The following DNAJC17 variants were observed in gnomAD, a reference collection of about 807,000 sequenced individuals.
DNAJC17 encodes the protein dnaJ homolog subfamily C member 17.
In DNAJC17, 35 loss-of-function variants were observed where a neutral mutation model predicts 48.1. The observed-to-expected ratio is 0.73, with a 90% CI of 0.56 to 0.96. The LOEUF is 0.96. DNAJC17 is among the 50% of genes least tolerant of loss of function. The pLI is 0.00. For missense variants in DNAJC17, 355 were observed against 377.1 expected, an observed-to-expected ratio of 0.94 and a Z score of 0.48; for synonymous variants, 117 against 142.7, an observed-to-expected ratio of 0.82 and a Z score of 1.28.
At chr15:40,773,023 C>T (rs1434950040) in intron 10 of DNAJC17, among the ~76,000 whole-genome samples, 4 of 150,474 alleles carry the variant, frequency 2.7e-5, no homozygotes, top group East Asian at 1.9e-4. Context: ...TGCAATGGCA[C>T]GATCTCGGCT....
intron 1 of DNAJC17, among the ~76,000 whole-genome samples, chr15:40,788,695 CA>C (rs34840348): frequency 0.84 from 98,075 of 116,856 alleles, 40,713 homozygotes; most frequent in East Asian, 0.97. Flanking sequence ...GACTCTGTCT[CA>C]AAAAAAAAAA....
At chr15:40,783,400 G>C (rs566127802) in intron 1 of DNAJC17, among the ~76,000 whole-genome samples, 73 of 152,252 alleles carry the variant, frequency 4.8e-4, no homozygotes, top group Middle Eastern at 3.4e-3. Context: ...CCTCTCTCTG[G>C]GATGGGTGAG....
chr15:40,784,088 G>A (rs372784315), intron 1 of DNAJC17, among the ~76,000 whole-genome samples: 1 of 152,092 alleles, frequency 6.6e-6, no homozygotes, highest in Non-Finnish European at 1.5e-5. Flanking sequence ...TTAGCTGGGC[G>A]TGGTGGCACA....
chr15:40,806,332 C>T (rs1288134075), intron 1 of DNAJC17, among the ~76,000 whole-genome samples: 1 of 151,076 alleles, frequency 6.6e-6, no homozygotes, highest in Non-Finnish European at 1.5e-5. Flanking sequence ...GATTCTCCTG[C>T]CTCAGCCTCC....
At chr15:40,789,923 A>G (rs901166680) in intron 1 of DNAJC17, among the ~76,000 whole-genome samples, 4 of 149,940 alleles carry the variant, frequency 2.7e-5, no homozygotes, top group Admixed American at 6.6e-5. Flanking sequence ...AAAAAAAAAA[A>G]AAAAAAAAGA....
intron 9 of DNAJC17, chr15:40,774,114 C>A: frequency 1.7e-6 from 1 of 601,510 alleles, no homozygotes; most frequent in Non-Finnish European, 2.9e-6. Flanking sequence ...TGTGAAGGCA[C>A]CAGCAGGGAG....
chr15:40,791,674 GTC>G (rs1427396553), intron 1 of DNAJC17, among the ~76,000 whole-genome samples: 1 of 151,770 alleles, frequency 6.6e-6, no homozygotes, highest in East Asian at 1.9e-4. Flanking sequence ...GTGAAATCCT[GTC>G]TCTACTAAAA....
intron 1 of DNAJC17, among the ~76,000 whole-genome samples, chr15:40,794,229 A>G (rs1025335045): frequency 6.6e-6 from 1 of 152,086 alleles, no homozygotes; most frequent in African/African-American, 2.4e-5. Flanking sequence ...GCATGCCTAT[A>G]ATCCTAGCTA....
chr15:40,781,204 C>CTGTAATCCTGGCA (rs1196266788), intron 1 of DNAJC17, among the ~76,000 whole-genome samples: 1 of 149,724 alleles, frequency 6.7e-6, no homozygotes, highest in African/African-American at 2.5e-5. Context: ...TGGTGTAATC[C>CTGTAATCCTGGCA]TGTAATCCTG....
At position 40,770,138 on chromosome 15, in the gene DNAJC17, C is replaced by A. The variant is rs999978703; in HGVS notation, c.793-2076G>T. ...GAGCGCTCGCCAGCCTCACCCAGCC[C>A]GAGAAGGTCCACCTCTGCCTCCGCC... On this transcript the variant is annotated intron_variant, in intron 10 of 10. Transcript: ENST00000220496. The surrounding 1 kb of genome is among the most constrained non-coding windows in gnomAD (Gnocchi z 5.0). 4 of 232,344 alleles carry A rather than the reference C, an allele frequency of 1.7e-5. No individual in the cohort carries two copies. The South Asian group carries it at 3.0e-4, about 17-fold the overall frequency. 14.4% of individuals were successfully genotyped at this position (232,344 alleles called of 1,614,324 possible). A position where few individuals can be genotyped will look rare whatever the true frequency, so the allele number is the denominator to read the frequency against.
At chr15:40,799,725 A>G (rs944628032) in intron 1 of DNAJC17, among the ~76,000 whole-genome samples, 4 of 152,126 alleles carry the variant, frequency 2.6e-5, no homozygotes, top group African/African-American at 7.2e-5. Flanking sequence ...GTTGGGTCAT[A>G]TGGTAATTCC....
chr15:40,787,101 T>A (rs75472499), intron 1 of DNAJC17, among the ~76,000 whole-genome samples: 1,943 of 152,296 alleles, frequency 0.013, 42 homozygotes, highest in African/African-American at 0.042. Flanking sequence ...TGCCAGCCCT[T>A]CCCTAGAAGT....
chr15:40,776,085 G>T (rs773583845), intron 6 of DNAJC17, 111 bp downstream of exon 6: 16 of 973,906 alleles, frequency 1.6e-5, no homozygotes, highest in Non-Finnish European at 2.5e-5. Context: ...TGACCCCAGG[G>T]TTCCAGCAGG....
Position 40,804,829 on chromosome 15 carries a change from C to T in DNAJC17, c.78+2540G>A, listed in dbSNP as rs563493997. The stretch of plus-strand genomic sequence containing the variant: ...CCAGCCTGACCAACATGGTGAAACC[C>T]TGTCTCTGATAAAAACACAAAAATT... On this transcript the variant is annotated intron_variant, in intron 1 of 10. Transcript: ENST00000220496. 2.1e-4 allele frequency among the ~76,000 whole-genome samples: 32 copies of T among 152,062 alleles called. 1 individual carries two copies. Among genetic ancestry groups the T allele is most frequent in the East Asian group, 1.8e-3 (9 of 5,142 alleles).
intron 1 of DNAJC17, among the ~76,000 whole-genome samples, chr15:40,787,459 A>G (rs1174296996): frequency 6.6e-6 from 1 of 152,144 alleles, no homozygotes; most frequent in Admixed American, 6.5e-5. Flanking sequence ...AGATCTGACC[A>G]CTATTTCACA....
chr15:40,770,876 C>A lies in DNAJC17; in HGVS notation c.793-2814G>T, dbSNP rs1234371510. 5.2e-6 allele frequency: 8 copies of A among 1,551,550 alleles called. No homozygotes were observed. Among genetic ancestry groups the A allele is most frequent in the South Asian group, 4.8e-5 (4 of 84,064 alleles). ...CCCTCCACCAGCACTCAGAGAAGGG[C>A]CTTGTGGACACTCCCTGCTTCCAGA... On this transcript the variant is annotated intron_variant, in intron 10 of 10. Transcript: ENST00000220496. The surrounding 1 kb of genome is among the most constrained non-coding windows in gnomAD (Gnocchi z 5.0).
At chr15:40,800,002 T>A (rs56886112) in intron 1 of DNAJC17, among the ~76,000 whole-genome samples, 1 of 151,510 alleles carries the variant, frequency 6.6e-6, no homozygotes, top group Non-Finnish European at 1.5e-5. Flanking sequence ...GGGTTTTTTT[T>A]TTGTTGTTGT....
At chr15:40,785,095 T>TAACAACAACAACAACAAAAC (rs1555383205) in intron 1 of DNAJC17, among the ~76,000 whole-genome samples, 2 of 151,758 alleles carry the variant, frequency 1.3e-5, no homozygotes, top group East Asian at 3.9e-4. Context: ...TGAAAGTCCA[T>TAACAACAACAACAACAAAAC]AACAACAACA....
At chr15:40,783,630 G>A (rs1407462220) in intron 1 of DNAJC17, among the ~76,000 whole-genome samples, 1 of 152,212 alleles carries the variant, frequency 6.6e-6, no homozygotes, top group South Asian at 2.1e-4. Context: ...GTGGGAGGCC[G>A]AGGTGGGTGG....
Sources: allele counts gnomAD v4.1 joint callset (sites outside exome capture counted in the v4.1 genomes callset), GRCh38; gene constraint gnomAD v4.1.1; non-coding constraint Gnocchi (gnomAD v3.1); transcripts MANE v1.5; gene names NCBI Gene and HGNC (gene_info 2026-07-23, HGNC 2026-07-21).